The following CCSER1 variants were observed in gnomAD, a reference collection of about 807,000 sequenced individuals.
The protein encoded by CCSER1 is serine-rich coiled-coil domain-containing protein 1.
A neutral mutation model predicts 82.0 loss-of-function variants in CCSER1; 41 were observed. The observed-to-expected ratio is 0.50, with a 90% CI of 0.39 to 0.65. The LOEUF (loss-of-function observed/expected upper bound fraction) is 0.65. Among genes scored for constraint, CCSER1 ranks in the 30% least tolerant of loss-of-function variants. CCSER1 has a pLI of 0.00. For synonymous variants in CCSER1, 414 were observed against 383.9 expected (o/e 1.08, Z -0.92); for missense variants, 1,119 against 1,064.2 (o/e 1.05, Z -0.72).
At chr4:91,274,796 A>G (rs967741842) in intron 10 of CCSER1, among the ~76,000 whole-genome samples, 1 of 152,140 alleles carries the variant, frequency 6.6e-6, no homozygotes, top group Non-Finnish European at 1.5e-5. Flanking sequence ...ATATGGGTGC[A>G]AGTATCTTTT....
chr4:90,882,704 C>G (rs1222626023), intron 8 of CCSER1, among the ~76,000 whole-genome samples: 1 of 151,870 alleles, frequency 6.6e-6, no homozygotes, highest in East Asian at 1.9e-4. Context: ...GTAGAAAACA[C>G]TGAATAGCTT....
intron 8 of CCSER1, among the ~76,000 whole-genome samples, chr4:90,853,907 A>G (rs1580786596): frequency 6.6e-6 from 1 of 152,128 alleles, no homozygotes; most frequent in Non-Finnish European, 1.5e-5. Flanking sequence ...GAAGAGGGGG[A>G]TGCAGCCCAC....
At chr4:90,231,731 T>G (rs1268860577) in intron 1 of CCSER1, among the ~76,000 whole-genome samples, 3 of 152,196 alleles carry the variant, frequency 2.0e-5, no homozygotes, top group African/African-American at 7.2e-5. Context: ...CTCCATTGTC[T>G]TAGCCCAAAA....
At chr4:90,322,992 C>T (rs1216522241) in intron 3 of CCSER1, among the ~76,000 whole-genome samples, 1 of 152,216 alleles carries the variant, frequency 6.6e-6, no homozygotes, top group African/African-American at 2.4e-5. Context: ...CCTGCCAGGT[C>T]TGGATCCTTC....
chr4:91,151,455 G>C (rs533172686), intron 10 of CCSER1, among the ~76,000 whole-genome samples: 3 of 152,060 alleles, frequency 2.0e-5, no homozygotes, highest in Admixed American at 2.0e-4. Context: ...AGGGTTTCTT[G>C]TGTCTCTATT....
chr4:91,171,957 G>T (rs1180724402), intron 10 of CCSER1, among the ~76,000 whole-genome samples: 1 of 151,532 alleles, frequency 6.6e-6, no homozygotes, highest in Non-Finnish European at 1.5e-5. Flanking sequence ...TTAGCTATTT[G>T]GTTCATTTTT....
At chr4:91,500,575 G>T (rs114025556) in intron 10 of CCSER1, among the ~76,000 whole-genome samples, 1 of 151,708 alleles carries the variant, frequency 6.6e-6, no homozygotes, top group Non-Finnish European at 1.5e-5. Context: ...TGTTTCATGG[G>T]TGCTTGAAAA....
At chr4:90,461,242 T>A (rs1278618665) in intron 4 of CCSER1, among the ~76,000 whole-genome samples, 1 of 139,198 alleles carries the variant, frequency 7.2e-6, no homozygotes, top group Non-Finnish European at 1.5e-5. Context: ...ATTTTTTGTA[T>A]TTTTAGTAGA....
intron 3 of CCSER1, among the ~76,000 whole-genome samples, chr4:90,391,099 C>A (rs1483590016): frequency 1.7e-5 from 2 of 114,538 alleles, no homozygotes; most frequent in Non-Finnish European, 3.4e-5. Context: ...CTCCCCTCTA[C>A]TAAAAATACA....
chr4:90,853,306 C>G (rs1764092113), intron 8 of CCSER1, among the ~76,000 whole-genome samples: 1 of 151,908 alleles, frequency 6.6e-6, no homozygotes, highest in Non-Finnish European at 1.5e-5. Flanking sequence ...GTATTTTCTT[C>G]ATTTTCAAGA....
intron 1 of CCSER1, among the ~76,000 whole-genome samples, chr4:90,220,422 T>C (rs530611046): frequency 6.6e-6 from 1 of 152,278 alleles, no homozygotes; most frequent in African/African-American, 2.4e-5. Context: ...CCTATGTGAT[T>C]TTTTCCCCTG....
At chr4:91,267,439 A>G (rs928638886) in intron 10 of CCSER1, among the ~76,000 whole-genome samples, 1 of 152,214 alleles carries the variant, frequency 6.6e-6, no homozygotes, top group Non-Finnish European at 1.5e-5. Context: ...AGAGTCCTCA[A>G]TAGACATTGC....
intron 10 of CCSER1, among the ~76,000 whole-genome samples, chr4:91,458,671 C>G (rs2149428163): frequency 6.6e-6 from 1 of 152,182 alleles, no homozygotes; most frequent in East Asian, 1.9e-4. Flanking sequence ...ATTTCTTGTC[C>G]TCTTCAATTT....
intron 10 of CCSER1, among the ~76,000 whole-genome samples, chr4:91,265,355 A>G (rs999993013): frequency 6.6e-6 from 1 of 152,158 alleles, no homozygotes; most frequent in East Asian, 1.9e-4. Context: ...GGTGTGAGCT[A>G]TAGTGAATTA....
intron 8 of CCSER1, among the ~76,000 whole-genome samples, chr4:90,919,177 A>C (rs1728014040): frequency 6.6e-6 from 1 of 151,324 alleles, no homozygotes; most frequent in Non-Finnish European, 1.5e-5. Context: ...TTTTATTTCC[A>C]TCTGTAATTA....
chr4:91,347,385 T>C (rs1748130901), intron 10 of CCSER1, among the ~76,000 whole-genome samples: 1 of 152,144 alleles, frequency 6.6e-6, no homozygotes, highest in Non-Finnish European at 1.5e-5. Context: ...TATCTTGAAG[T>C]TTGGTAGTAT....
At chr4:90,414,989 C>A (rs1755581875) in intron 4 of CCSER1, among the ~76,000 whole-genome samples, 1 of 150,952 alleles carries the variant, frequency 6.6e-6, no homozygotes, top group Non-Finnish European at 1.5e-5. Flanking sequence ...ACAAAGTAAC[C>A]AGGATATGAA....
chr4:90,444,053 G>A (rs1036377705), intron 4 of CCSER1, among the ~76,000 whole-genome samples: 5 of 151,970 alleles, frequency 3.3e-5, no homozygotes, highest in Non-Finnish European at 7.4e-5. Context: ...TGGTTGGCTG[G>A]CCTTGAGGGG....
chr4:91,597,010 C>CTT (rs1014503164), intron 10 of CCSER1, among the ~76,000 whole-genome samples: 3 of 151,926 alleles, frequency 2.0e-5, no homozygotes, highest in African/African-American at 7.2e-5. Flanking sequence ...AGGAGGGAGA[C>CTT]TTATTTCAAT....
Sources: allele counts gnomAD v4.1 joint callset (sites outside exome capture counted in the v4.1 genomes callset), GRCh38; gene constraint gnomAD v4.1.1; transcripts MANE v1.5; gene names NCBI Gene and HGNC (gene_info 2026-07-23, HGNC 2026-07-21).